CLEC16A: variants seen among roughly 807,000 people sequenced by gnomAD.
CLEC16A encodes protein CLEC16A.
In CLEC16A, 51 loss-of-function variants were observed where a neutral mutation model predicts 109.5. That is an observed-to-expected ratio of 0.47 (90% CI 0.37 to 0.59). The LOEUF is 0.59. Among genes scored for constraint, CLEC16A ranks in the 20% least tolerant of loss-of-function variants. The pLI is 0.00. For synonymous variants in CLEC16A, 673 were observed against 564.2 expected (o/e 1.19, Z -2.73); for missense variants, 1,339 against 1,394.0 (o/e 0.96, Z 0.63).
Position 10,995,913 on chromosome 16 carries a change from G to A in CLEC16A, c.1072-7161G>A, listed in dbSNP as rs527405018. Among the ~76,000 whole-genome samples, 8 of 152,318 alleles carry A rather than the reference G, an allele frequency of 5.3e-5. No individual in the cohort carries two copies. In the East Asian group the frequency reaches 1.5e-3, roughly 29 times the overall value. On this transcript the variant is annotated intron_variant, in intron 10 of 23. Transcript: ENST00000409790. ...CAGAGGGTGAGTAGGCTCGGCCTAG[G>A]AGAGCCTGGAAGGGTCTTCTTAGCT...
chr16:10,951,394 A>T (rs1260337563), intron 1 of CLEC16A, among the ~76,000 whole-genome samples: 1 of 150,440 alleles, frequency 6.6e-6, no homozygotes, highest in Non-Finnish European at 1.5e-5. Context: ...GTGTTTTTTT[A>T]ATTTATTTTT....
chr16:11,061,178 A>G (rs1269913578), intron 19 of CLEC16A, among the ~76,000 whole-genome samples, 156 bp downstream of exon 19: 1 of 152,154 alleles, frequency 6.6e-6, no homozygotes, highest in African/African-American at 2.4e-5. Flanking sequence ...TGCATGTCCC[A>G]TGCAGGTTTT....
intron 19 of CLEC16A, among the ~76,000 whole-genome samples, chr16:11,112,846 C>T (rs2051692348): frequency 6.6e-6 from 1 of 152,210 alleles, no homozygotes; most frequent in Non-Finnish European, 1.5e-5. Context: ...AGACATCTGC[C>T]ATCCTACCTT....
intron 3 of CLEC16A, among the ~76,000 whole-genome samples, chr16:10,965,409 T>G (rs2042453161): frequency 6.6e-6 from 1 of 152,358 alleles, no homozygotes; most frequent in South Asian, 2.1e-4. Flanking sequence ...AAGTCAAGTT[T>G]CTGCAGAATT....
rs560154354 is a variant in CLEC16A, at chr16:11,025,007, A to C, written c.1537+86A>C. On this transcript the variant is annotated intron_variant, in intron 13 of 23. Coordinates refer to ENST00000409790, the MANE Select transcript of CLEC16A (RefSeq NM_015226.3). The stretch of plus-strand genomic sequence containing the variant: ...CCCTCTGCTGCATGGAGGACAAAGA[A>C]AGGTGCTTTCTGTACAGAATTTCCT... 85 of 1,008,670 alleles carry C rather than the reference A, an allele frequency of 8.4e-5. 3 individuals carry two copies. The South Asian group carries it at 1.2e-3, about 14-fold the overall frequency. 62.5% of individuals were successfully genotyped at this position (1,008,670 alleles called of 1,614,324 possible).
intron 13 of CLEC16A, among the ~76,000 whole-genome samples, chr16:11,037,727 G>A (rs2047102693): frequency 6.6e-6 from 1 of 152,038 alleles, no homozygotes; most frequent in South Asian, 2.1e-4. Context: ...ACTGCTGATG[G>A]GTTATAAAGT....
At chr16:11,063,294 T>G (rs75752375) in intron 19 of CLEC16A, among the ~76,000 whole-genome samples, 3 of 149,816 alleles carry the variant, frequency 2.0e-5, no homozygotes, top group African/African-American at 7.4e-5. Context: ...TTTTTTTTTT[T>G]TTTTTGAGGG....
intron 1 of CLEC16A, among the ~76,000 whole-genome samples, chr16:10,951,160 T>TACA: frequency 6.6e-6 from 1 of 152,194 alleles, no homozygotes; most frequent in East Asian, 1.9e-4. Context: ...TCGAGTGTGT[T>TACA]GGTTACAGTT....
chr16:11,032,423 A>G (rs1358345469), intron 13 of CLEC16A, among the ~76,000 whole-genome samples: 1 of 152,240 alleles, frequency 6.6e-6, no homozygotes, highest in Non-Finnish European at 1.5e-5. Flanking sequence ...GGGAGGGATG[A>G]GAGGTGAAAC....
chr16:11,172,544 A>AT (rs1233200754), intron 23 of CLEC16A, among the ~76,000 whole-genome samples: 1 of 152,084 alleles, frequency 6.6e-6, no homozygotes, highest in Admixed American at 6.6e-5. Context: ...TTATTTATTT[A>AT]TTTTTAATTT....
rs146283134 is a variant in CLEC16A, at chr16:11,131,944, G to A, written c.2641+5798G>A. ...GGCCTCTGTTTTCGTGCTTCCCTCC[G>A]CCTGGAGCCCTCTGCATGGCTGGTT... On this transcript the variant is annotated intron_variant, in intron 22 of 23. Coordinates refer to ENST00000409790, the MANE Select transcript of CLEC16A (RefSeq NM_015226.3). Among the ~76,000 whole-genome samples, 1,513 of 152,212 alleles carry A rather than the reference G, an allele frequency of 9.9e-3. 18 individuals are homozygous for A. The Middle Eastern group carries it at 0.16, about 16-fold the overall frequency.
At chr16:11,061,484 C>G (rs1386562556) in intron 19 of CLEC16A, among the ~76,000 whole-genome samples, 1 of 152,248 alleles carries the variant, frequency 6.6e-6, no homozygotes. Flanking sequence ...GAACCACGTG[C>G]TCAGCCCATA....
chr16:11,133,583 G>A (rs906505949), intron 22 of CLEC16A, among the ~76,000 whole-genome samples: 1 of 152,072 alleles, frequency 6.6e-6, no homozygotes, highest in African/African-American at 2.4e-5. Flanking sequence ...CAAAGCCTCT[G>A]ACCGCCATCC....
intron 19 of CLEC16A, among the ~76,000 whole-genome samples, chr16:11,082,872 A>T (rs904056271): frequency 2.6e-5 from 4 of 152,058 alleles, no homozygotes; most frequent in African/African-American, 9.7e-5. Context: ...AAATTGTGGG[A>T]GCCCAGCTGT....
intron 3 of CLEC16A, among the ~76,000 whole-genome samples, chr16:10,963,147 C>T (rs1208210838): frequency 1.3e-5 from 2 of 152,146 alleles, no homozygotes; most frequent in Non-Finnish European, 2.9e-5. Context: ...GACGGCCACC[C>T]TCTTGCTGTG....
chr16:11,071,753 A>ATT (rs71136611), intron 19 of CLEC16A, among the ~76,000 whole-genome samples: 3,183 of 61,260 alleles, frequency 0.052, 625 homozygotes, highest in African/African-American at 0.21. Flanking sequence ...CACCTGGCTG[A>ATT]TTTTTTTTTT....
chr16:11,022,890 T>C (rs1380787509), intron 12 of CLEC16A, among the ~76,000 whole-genome samples: 2 of 135,582 alleles, frequency 1.5e-5, no homozygotes, highest in South Asian at 2.3e-4. Flanking sequence ...CAGAGCGAGA[T>C]TCCATCTCAA....
chr16:10,949,099 TC>T (rs1033357892), intron 1 of CLEC16A, among the ~76,000 whole-genome samples: 6 of 152,106 alleles, frequency 3.9e-5, no homozygotes, highest in African/African-American at 1.4e-4. Context: ...AAAGAGTGGT[TC>T]CCCATGGGAG....
rs201416550 is a variant in CLEC16A, at chr16:10,969,333, G to A, written c.492+24G>A. On this transcript the variant is annotated intron_variant, in intron 4 of 23. Transcript: ENST00000409790. The stretch of plus-strand genomic sequence containing the variant: ...AGGTAAGTAATTGCCAGAGGGGCAC[G>A]TGTGGGTGTAAAGCCACACGTGGCT... 1.8e-4 allele frequency: 281 copies of A among 1,548,872 alleles called. 1 individual carries two copies. The highest frequency in any genetic ancestry group is 4.4e-5 in the Admixed American group (2 of 45,502).
Sources: gnomAD v4.1 joint callset for allele counts (sites outside exome capture counted in the v4.1 genomes callset) on GRCh38, gnomAD v4.1.1 for gene constraint, MANE v1.5 for transcripts, NCBI Gene and HGNC (gene_info 2026-07-23, HGNC 2026-07-21) for gene names.